Variants in CLEC6A observed in about 807,000 individuals in gnomAD.
CLEC6A encodes the protein C-type lectin domain containing 6A, also known as C-type lectin domain family 6 member A.
A neutral mutation model predicts 25.7 loss-of-function variants in CLEC6A; 22 were observed. The ratio of observed to expected loss-of-function variants is 0.85; its 90% CI spans 0.61 to 1.22. The LOEUF is 1.22. CLEC6A is among the 50% of genes most tolerant of loss of function. The pLI is 0.00. For synonymous variants in CLEC6A, 92 were observed against 76.7 expected (o/e 1.20, Z -1.04); for missense variants, 240 against 236.8 (o/e 1.01, Z -0.09).
At chr12:8,458,022 C>T in intron 2 of CLEC6A, 35 bp downstream of exon 2, 1 of 1,454,998 alleles carries the variant, frequency 6.9e-7, no homozygotes, top group Non-Finnish European at 9.7e-7. Flanking sequence ...TTCCTTGCTT[C>T]CTTTCCCTTG....
At chr12:8,461,022 T>C (rs2136357956) in intron 3 of CLEC6A, 1 of 1,536,530 alleles carries the variant, frequency 6.5e-7, no homozygotes. Context: ...TTATCCTCAT[T>C]GATCCATTCT....
At chr12:8,459,108 G>A (rs1939716814) in intron 2 of CLEC6A, among the ~76,000 whole-genome samples, 1 of 152,130 alleles carries the variant, frequency 6.6e-6, no homozygotes, top group Non-Finnish European at 1.5e-5. Flanking sequence ...AGGAGAAGCA[G>A]ACATCCAGTG....
chr12:8,461,356 A>G, intron 3 of CLEC6A: 1 of 422,748 alleles, frequency 2.4e-6, no homozygotes, highest in Non-Finnish European at 4.3e-6. Context: ...CCTATGTGGA[A>G]CACTGTTTCA....
At chr12:8,466,031 GT>G (rs1382112130) in intron 4 of CLEC6A, among the ~76,000 whole-genome samples, 1 of 152,090 alleles carries the variant, frequency 6.6e-6, no homozygotes, top group East Asian at 1.9e-4. Flanking sequence ...TCCATTGTAT[GT>G]GTATCTAACA....
At chr12:8,463,618 G>A (rs1020799750) in intron 3 of CLEC6A, among the ~76,000 whole-genome samples, 4 of 152,240 alleles carry the variant, frequency 2.6e-5, no homozygotes, top group Admixed American at 2.0e-4. Context: ...ATTTGATCAG[G>A]TTACTCCCAA....
intron 4 of CLEC6A, among the ~76,000 whole-genome samples, chr12:8,475,274 AAATT>A (rs1301586938): frequency 2.0e-5 from 3 of 152,100 alleles, no homozygotes; most frequent in Non-Finnish European, 4.4e-5. Context: ...AAACAGTAGG[AAATT>A]AATATGGAAC....
intron 2 of CLEC6A, among the ~76,000 whole-genome samples, chr12:8,458,930 A>G (rs1939714860): frequency 6.6e-6 from 1 of 152,214 alleles, no homozygotes; most frequent in African/African-American, 2.4e-5. Flanking sequence ...GTGAACATTA[A>G]CATAAAAGTT....
At position 8,477,552 on chromosome 12, in the gene CLEC6A, A is replaced by AGG; in HGVS notation, c.*88_*89insGG. ...AAATTGAACCCTATCATGAAATGAT[A>AGG]ATTTCTTCCTGAATTTACACATAAT... On this transcript the variant is annotated 3_prime_UTR_variant, in exon 6 of 6. Transcript: ENST00000382073. 1 of 1,019,812 alleles carries AGG rather than the reference A, an allele frequency of 9.8e-7. No homozygotes were observed. Among genetic ancestry groups the AGG allele is most frequent in the Non-Finnish European group, 1.4e-6 (1 of 707,246 alleles). The allele number at this position is 1,019,812 out of a possible 1,614,324, so 63.2% of individuals were successfully genotyped here.
chr12:8,477,747 A>T lies in CLEC6A; in HGVS notation c.*283A>T. 1 of 224,534 alleles carries T rather than the reference A, an allele frequency of 4.5e-6. No individual in the cohort carries two copies. The highest frequency in any genetic ancestry group is 8.7e-6 in the Non-Finnish European group (1 of 115,454). 13.9% of individuals were successfully genotyped at this position (224,534 alleles called of 1,614,324 possible). On this transcript the variant is annotated 3_prime_UTR_variant, in exon 6 of 6. Coordinates refer to ENST00000382073, the MANE Select transcript of CLEC6A (RefSeq NM_001007033.2). ...TTCACACTTCATTACACAAATATTT[A>T]TTGTTTCAGAGACTGTACTATTTTG...
At chr12:8,460,926 G>A (rs1479148573) in intron 3 of CLEC6A, 3 of 848,474 alleles carry the variant, frequency 3.5e-6, no homozygotes, top group Non-Finnish European at 6.1e-6. Flanking sequence ...CTGTTGCAGA[G>A]GAGCGAGCTG....
intron 3 of CLEC6A, chr12:8,460,931 G>A (rs781521956): frequency 1.9e-5 from 16 of 857,358 alleles, no homozygotes; most frequent in African/African-American, 8.2e-5. Context: ...GCAGAGGAGC[G>A]AGCTGGATGC....
At chr12:8,471,427 G>A (rs1454501850) in intron 4 of CLEC6A, among the ~76,000 whole-genome samples, 2 of 151,758 alleles carry the variant, frequency 1.3e-5, no homozygotes, top group Non-Finnish European at 2.9e-5. Context: ...GCTTTTTTTT[G>A]TTGGGAGGTT....
chr12:8,473,378 G>A (rs751831083), intron 4 of CLEC6A, among the ~76,000 whole-genome samples: 210 of 152,172 alleles, frequency 1.4e-3, no homozygotes, highest in African/African-American at 4.9e-3. Context: ...GCCTCCAGCT[G>A]CATCCATGTT....
chr12:8,460,930 C>A, intron 3 of CLEC6A: 1 of 854,684 alleles, frequency 1.2e-6, no homozygotes, highest in Non-Finnish European at 2.0e-6. Flanking sequence ...TGCAGAGGAG[C>A]GAGCTGGATG....
chr12:8,456,621 A>T (rs987809844), intron 1 of CLEC6A, among the ~76,000 whole-genome samples: 5 of 139,098 alleles, frequency 3.6e-5, no homozygotes, highest in African/African-American at 5.2e-5. Context: ...TTTTAAAAAA[A>T]TTTTTATTAA....
At chr12:8,471,282 G>C (rs1939903005) in intron 4 of CLEC6A, among the ~76,000 whole-genome samples, 1 of 151,972 alleles carries the variant, frequency 6.6e-6, no homozygotes, top group Admixed American at 6.6e-5. Context: ...TTGATACCAG[G>C]AAAATGCTGA....
In CLEC6A at chr12:8,476,171, G is replaced by A. The variant is rs772850683; in HGVS notation, c.416G>A (p.Gly139Glu). The stretch of plus-strand genomic sequence containing the variant: ...AATGAGTCATTTTCTTATTTTCTGG[G>A]GCTTTCAGACCCACAAGGTAATAAT... ...QLNESFSYFL[G>E]LSDPQGNNNW... Residue 139 changes from glycine (G) to glutamate (E), a missense_variant, in exon 5 of 6, where the codon GGG becomes GAG. By Grantham distance (98) the Gly-to-Glu change is moderately conservative (BLOSUM62 -2). Transcript: ENST00000382073. 20 of 1,609,960 alleles carry A rather than the reference G, an allele frequency of 1.2e-5. No individual in the cohort carries two copies. The highest frequency in any genetic ancestry group is 3.3e-5 in the South Asian group (3 of 90,926).
At chr12:8,467,547 C>T (rs1939848980) in intron 4 of CLEC6A, among the ~76,000 whole-genome samples, 4 of 151,978 alleles carry the variant, frequency 2.6e-5, no homozygotes, top group Admixed American at 1.3e-4. Flanking sequence ...CCATTGGTCT[C>T]TATGTCTGTC....
intron 4 of CLEC6A, among the ~76,000 whole-genome samples, chr12:8,470,627 C>G (rs1257572912): frequency 6.6e-6 from 1 of 152,108 alleles, no homozygotes; most frequent in East Asian, 1.9e-4. Context: ...GACCATTATT[C>G]TAAGTGAAGT....
Sources: allele counts gnomAD v4.1 joint callset (sites outside exome capture counted in the v4.1 genomes callset), GRCh38; gene constraint gnomAD v4.1.1; transcripts MANE v1.5; gene names NCBI Gene and HGNC (gene_info 2026-07-23, HGNC 2026-07-21).